Variants in SLC35F3 observed in about 807,000 individuals in gnomAD.
SLC35F3 encodes the protein solute carrier family 35 member F3.
A neutral mutation model predicts 49.9 loss-of-function variants in SLC35F3; 25 were observed. The observed-to-expected ratio is 0.50, with a 90% confidence interval of 0.37 to 0.70. The LOEUF (loss-of-function observed/expected upper bound fraction) is 0.70, where lower values mean the gene tolerates loss of function less well. Among genes scored for constraint, SLC35F3 ranks in the 30% least tolerant of loss-of-function variants. SLC35F3 has a pLI of 0.00. For synonymous variants in SLC35F3, 275 were observed against 265.4 expected (o/e 1.04, Z -0.35); for missense variants, 525 against 639.8 (o/e 0.82, Z 1.94).
rs529256423 is a variant in SLC35F3, at chr1:234,103,292, A to T, written c.284-128125A>T. Among the ~76,000 whole-genome samples, 536 of 151,920 alleles carry T rather than the reference A, an allele frequency of 3.5e-3. 7 individuals are homozygous for T. Among genetic ancestry groups the T allele is most frequent in the African/African-American group, 0.012 (511 of 41,404 alleles). ...TCCCTGATGTTGCCTTGGCAATTTCATTATTATTCATAAGAAAAATTCACT... is the reference window on the plus strand; with the variant it reads ...TCCCTGATGTTGCCTTGGCAATTTCTTTATTATTCATAAGAAAAATTCACT... On this transcript the variant is annotated intron_variant, in intron 2 of 7. Coordinates refer to ENST00000366618, the MANE Select transcript of SLC35F3 (RefSeq NM_173508.4).
chr1:234,260,061 C>T (rs544357864), intron 3 of SLC35F3, among the ~76,000 whole-genome samples: 23 of 152,004 alleles, frequency 1.5e-4, no homozygotes, highest in South Asian at 1.0e-3. Context: ...TTAACTTCTA[C>T]GGCAAAAAAA....
At chr1:234,298,029 T>A (rs1446739891) in intron 3 of SLC35F3, among the ~76,000 whole-genome samples, 1 of 152,190 alleles carries the variant, frequency 6.6e-6, no homozygotes, top group Non-Finnish European at 1.5e-5. Flanking sequence ...TGGATATATT[T>A]GTGGCATTAA....
intron 2 of SLC35F3, among the ~76,000 whole-genome samples, chr1:233,951,800 G>T (rs1450212988): frequency 6.6e-6 from 1 of 151,964 alleles, no homozygotes; most frequent in Non-Finnish European, 1.5e-5. Context: ...GCTGATTCCT[G>T]GGCTCAAGTG....
intron 2 of SLC35F3, chr1:234,215,233 C>A (rs1667104590): frequency 6.6e-6 from 1 of 152,422 alleles, no homozygotes; most frequent in Non-Finnish European, 1.5e-5. Flanking sequence ...CAGAAGGTGT[C>A]CTCCTCCCCG....
At chr1:234,035,979 AG>A (rs1271195496) in intron 2 of SLC35F3, among the ~76,000 whole-genome samples, 1 of 152,226 alleles carries the variant, frequency 6.6e-6, no homozygotes, top group African/African-American at 2.4e-5. Flanking sequence ...GCTCATACTT[AG>A]GAGCAGGGCA....
chr1:233,971,033 G>A (rs1662983054), intron 2 of SLC35F3, among the ~76,000 whole-genome samples: 1 of 152,214 alleles, frequency 6.6e-6, no homozygotes, highest in South Asian at 2.1e-4. Context: ...CTTCACTCAT[G>A]TCTAGACCCT....
intron 2 of SLC35F3, among the ~76,000 whole-genome samples, chr1:234,161,874 T>C (rs1666232809): frequency 6.6e-6 from 1 of 152,170 alleles, no homozygotes; most frequent in South Asian, 2.1e-4. Context: ...GGGCACCCTT[T>C]CTGGATCTCC....
At chr1:234,166,669 TCAA>T (rs1361883309) in intron 2 of SLC35F3, among the ~76,000 whole-genome samples, 1 of 152,110 alleles carries the variant, frequency 6.6e-6, no homozygotes, top group Non-Finnish European at 1.5e-5. Flanking sequence ...CCCTTGAAGT[TCAA>T]CAGGATAGGA....
chr1:233,916,545 C>A (rs371383649), intron 2 of SLC35F3, among the ~76,000 whole-genome samples: 2 of 152,326 alleles, frequency 1.3e-5, no homozygotes, highest in South Asian at 2.1e-4. Flanking sequence ...GTATAAACTT[C>A]TTTTATAGGT....
rs577691118 is a variant in SLC35F3 at position 233,927,564 on chromosome 1, A to G, written c.283+21806A>G. Among the ~76,000 whole-genome samples, 16 of 152,280 alleles carry G rather than the reference A, an allele frequency of 1.1e-4. No homozygotes were observed. The South Asian group carries it at 1.9e-3, about 18-fold the overall frequency. On this transcript the variant is annotated intron_variant, in intron 2 of 7. Coordinates refer to ENST00000366618, the MANE Select transcript of SLC35F3 (RefSeq NM_173508.4). Reference sequence around the variant, plus strand: ...TCTAATAATTTTATGTTAAATAACTATCGAACTTGTGAGATGTTTACATAA... The same window carrying G: ...TCTAATAATTTTATGTTAAATAACTGTCGAACTTGTGAGATGTTTACATAA...
intron 3 of SLC35F3, among the ~76,000 whole-genome samples, chr1:234,282,096 G>A (rs750507898): frequency 6.6e-5 from 10 of 152,110 alleles, no homozygotes; most frequent in Non-Finnish European, 1.5e-4. Context: ...AACACCCTCC[G>A]GCATCATTGT....
At chr1:234,041,912 C>T (rs143276753) in intron 2 of SLC35F3, among the ~76,000 whole-genome samples, 92 of 152,236 alleles carry the variant, frequency 6.0e-4, no homozygotes, top group African/African-American at 2.1e-3. Context: ...CTGTGACACA[C>T]AGGAAGGAGT....
chr1:233,964,943 T>C (rs1185024836), intron 2 of SLC35F3, among the ~76,000 whole-genome samples: 1 of 152,150 alleles, frequency 6.6e-6, no homozygotes, highest in African/African-American at 2.4e-5. Context: ...AGGAAATTGA[T>C]CTACCACCAA....
chr1:234,272,127 A>G (rs1668117622), intron 3 of SLC35F3, among the ~76,000 whole-genome samples: 1 of 152,188 alleles, frequency 6.6e-6, no homozygotes, highest in Non-Finnish European at 1.5e-5. Flanking sequence ...CTCTGTCTCA[A>G]AAAAAGAAAG....
intron 2 of SLC35F3, among the ~76,000 whole-genome samples, chr1:233,932,798 G>A (rs1434466796): frequency 6.6e-6 from 1 of 152,114 alleles, no homozygotes; most frequent in Non-Finnish European, 1.5e-5. Context: ...TGATGGTGTT[G>A]TTCCATTAGT....
chr1:234,132,179 T>G (rs1342853976), intron 2 of SLC35F3, among the ~76,000 whole-genome samples: 2 of 152,214 alleles, frequency 1.3e-5, no homozygotes, highest in Non-Finnish European at 2.9e-5. Context: ...TGTCTCTCTC[T>G]TCCCCGACCC....
Position 233,953,840 on chromosome 1 carries a change from G to A in SLC35F3, c.283+48082G>A, listed in dbSNP as rs560194504. 2.0e-5 allele frequency among the ~76,000 whole-genome samples: 3 copies of A among 152,296 alleles called. No homozygotes were observed. In the South Asian group the frequency reaches 6.2e-4, roughly 32 times the overall value. ...AGAGGCAGGAACAGTACTGGAAGGT[G>A]CAGCATCAAAAAGGAAAAGAAATGT... On this transcript the variant is annotated intron_variant, in intron 2 of 7. Coordinates refer to ENST00000366618, the MANE Select transcript of SLC35F3 (RefSeq NM_173508.4).
chr1:234,121,934 G>A (rs12145603), intron 2 of SLC35F3, among the ~76,000 whole-genome samples: 28,063 of 150,868 alleles, frequency 0.19, 3,324 homozygotes, highest in Non-Finnish European at 0.27. Context: ...TGGTGTATAT[G>A]TACCACACTT....
At chr1:234,146,914 CTG>C (rs1666006456) in intron 2 of SLC35F3, among the ~76,000 whole-genome samples, 1 of 152,134 alleles carries the variant, frequency 6.6e-6, no homozygotes, top group African/African-American at 2.4e-5. Flanking sequence ...TGTGAAAAAA[CTG>C]AGATCTTGTG....
Sources: allele counts gnomAD v4.1 joint callset (sites outside exome capture counted in the v4.1 genomes callset), GRCh38; gene constraint gnomAD v4.1.1; transcripts MANE v1.5; gene names NCBI Gene and HGNC (gene_info 2026-07-23, HGNC 2026-07-21).